Variants in POMGNT2 observed in about 807,000 individuals in gnomAD.
POMGNT2 encodes protein O-linked mannose N-acetylglucosaminyltransferase 2 (beta 1,4-), also known as protein O-linked-mannose beta-1,4-N-acetylglucosaminyltransferase 2.
A neutral mutation model predicts 37.8 loss-of-function variants in POMGNT2; 32 were observed. The ratio of observed to expected loss-of-function variants is 0.85; its 90% confidence interval spans 0.64 to 1.14. The LOEUF (loss-of-function observed/expected upper bound fraction) is 1.14. POMGNT2 is among the 50% of genes most tolerant of loss of function. POMGNT2 has a pLI of 0.00. For synonymous variants in POMGNT2, 340 were observed against 336.8 expected (o/e 1.01, Z -0.10); for missense variants, 705 against 780.6 (o/e 0.90, Z 1.15).
At chr3:43,083,446 A>G (rs1002119908) in intron 1 of POMGNT2, among the ~76,000 whole-genome samples, 4 of 152,204 alleles carry the variant, frequency 2.6e-5, no homozygotes, top group African/African-American at 9.6e-5. Context: ...GTAGGTCTGG[A>G]GTATGGCTCA....
At chr3:43,092,819 T>C (rs1344564022) in intron 1 of POMGNT2, among the ~76,000 whole-genome samples, 2 of 152,212 alleles carry the variant, frequency 1.3e-5, no homozygotes, top group Non-Finnish European at 2.9e-5. Flanking sequence ...GAAATCACTA[T>C]TTATAAATTA....
At chr3:43,095,800 G>T (rs1426075262) in intron 1 of POMGNT2, among the ~76,000 whole-genome samples, 1 of 152,168 alleles carries the variant, frequency 6.6e-6, no homozygotes, top group East Asian at 1.9e-4. Context: ...TGGGGCAAGG[G>T]GCAGAGAAGA....
rs748413120 is a variant in POMGNT2, at chr3:43,080,532, A to G, written c.900T>C (p.Ile300=). 8.1e-6 allele frequency: 13 copies of G among 1,614,050 alleles called. No homozygotes were observed. The South Asian group carries it at 1.3e-4, about 16-fold the overall frequency. Residue 300 remains isoleucine (I), a synonymous_variant, in exon 2 of 2, where the codon ATT becomes ATC. Coordinates refer to ENST00000344697, the MANE Select transcript of POMGNT2 (RefSeq NM_032806.6). ...LVFSRTQNRL[I]LNEAELLLAL... ...CCAGCAGCAGCTCTGCCTCATTCAG[A>G]ATGAGTCTGTTCTGGGTTCGGCTAA... is the stretch of plus-strand genomic sequence containing the variant.
intron 1 of POMGNT2, among the ~76,000 whole-genome samples, chr3:43,085,568 G>A (rs1397264698): frequency 6.6e-6 from 1 of 152,120 alleles, no homozygotes; most frequent in Admixed American, 6.5e-5. Context: ...CCTCTCCCAT[G>A]ATTGTGAGGC....
intron 1 of POMGNT2, among the ~76,000 whole-genome samples, chr3:43,091,850 C>T (rs540414479): frequency 5.3e-5 from 8 of 152,350 alleles, no homozygotes; most frequent in East Asian, 3.9e-4. Context: ...TCGTGATTCT[C>T]GCTCCAGTTC....
chr3:43,089,500 G>C (rs1196160686), intron 1 of POMGNT2, among the ~76,000 whole-genome samples: 1 of 152,176 alleles, frequency 6.6e-6, no homozygotes, highest in Non-Finnish European at 1.5e-5. Context: ...CTAGGCAATA[G>C]GGAGCTATTA....
Position 43,081,070 on chromosome 3 carries a change from G to A in POMGNT2, c.362C>T (p.Thr121Ile). ...RFQPALLDLS[T>I]VEDHNTQYFN... is the part of the protein sequence containing the mutation. ...GTACTGAGTGTTGTGGTCCTCCACG[G>A]TGGATAGGTCGAGCAGGGCTGGCTG... The change falls in exon 2 of 2, where the codon ACC becomes ATC. Residue 121 changes from threonine to isoleucine, a missense_variant. By Grantham distance (89) the Thr-to-Ile change is moderately conservative. Transcript: ENST00000344697. 6.2e-7 allele frequency: 1 copy of A among 1,614,256 alleles called. No homozygotes were observed. Among genetic ancestry groups the A allele is most frequent in the Non-Finnish European group, 8.5e-7 (1 of 1,180,044 alleles).
chr3:43,080,100 G>C lies in POMGNT2; in HGVS notation c.1332C>G (p.Phe444Leu). The C allele has an allele frequency of 6.2e-7, 1 of 1,613,890 alleles. No individual in the cohort carries two copies. The highest frequency in any genetic ancestry group is 8.5e-7 in the Non-Finnish European group (1 of 1,179,994). The change falls in exon 2 of 2, where the codon TTC becomes TTG. Residue 444 changes from phenylalanine (F) to leucine (L), a missense_variant. By Grantham distance (22) the Phe-to-Leu change is conservative. Coordinates refer to ENST00000344697, the MANE Select transcript of POMGNT2 (RefSeq NM_032806.6). ...CCACCTTGGTGTCCTGGTAGATTCG[G>C]AAGAGCCACTCGGGGTTCCGGCAAC... Reference protein sequence around the residue: ...HLCCRNPEWLFRIYQDTKVDI... With the variant: ...HLCCRNPEWLLRIYQDTKVDI...
At chr3:43,093,668 C>A (rs1016177098) in intron 1 of POMGNT2, among the ~76,000 whole-genome samples, 2 of 152,164 alleles carry the variant, frequency 1.3e-5, no homozygotes, top group African/African-American at 4.8e-5. Context: ...ATGAATACCC[C>A]ACTCCCATAC....
rs2089838500 is a variant in POMGNT2 at position 43,080,364 on chromosome 3, G to A, written c.1068C>T (p.Pro356=). 8.7e-6 allele frequency: 14 copies of A among 1,614,170 alleles called. No homozygotes were observed. The Middle Eastern group carries it at 1.8e-3, about 209-fold the overall frequency. Residue 356 remains proline, a synonymous_variant, in exon 2 of 2, where the codon CCC becomes CCT. Coordinates refer to ENST00000344697, the MANE Select transcript of POMGNT2 (RefSeq NM_032806.6). ...AGAGCTCTACCACAGTTGCCCCACG[G>A]GGCAGGAAGAGGGTGGTGACCAGCT... ...GAQLVTTLFL[P]RGATVVELFP...
intron 1 of POMGNT2, among the ~76,000 whole-genome samples, chr3:43,086,299 T>A (rs1228666063): frequency 6.6e-6 from 1 of 152,240 alleles, no homozygotes; most frequent in African/African-American, 2.4e-5. Flanking sequence ...TATAATCACA[T>A]CACCATCACT....
intron 1 of POMGNT2, among the ~76,000 whole-genome samples, chr3:43,094,222 C>G (rs1022364366): frequency 6.6e-6 from 1 of 152,184 alleles, no homozygotes; most frequent in African/African-American, 2.4e-5. Context: ...CAAAAGACAA[C>G]AGATGGAGGC....
At chr3:43,105,606 G>A (rs1275593498) in intron 1 of POMGNT2, among the ~76,000 whole-genome samples, 4 of 97,778 alleles carry the variant, frequency 4.1e-5, no homozygotes, top group Admixed American at 1.2e-4. Flanking sequence ...CCGACCCTGA[G>A]GGTCCACCCC....
chr3:43,101,945 G>C (rs903609488), intron 1 of POMGNT2, among the ~76,000 whole-genome samples: 2 of 151,972 alleles, frequency 1.3e-5, no homozygotes, highest in African/African-American at 4.8e-5. Context: ...AGGTCTCTTG[G>C]CCACAGCTAA....
At chr3:43,103,501 C>A (rs1205089063) in intron 1 of POMGNT2, among the ~76,000 whole-genome samples, 1 of 152,190 alleles carries the variant, frequency 6.6e-6, no homozygotes, top group Non-Finnish European at 1.5e-5. Flanking sequence ...CAGGGCTTGC[C>A]TGGGCTGCCT....
intron 1 of POMGNT2, among the ~76,000 whole-genome samples, chr3:43,092,785 A>G (rs2089953444): frequency 1.3e-5 from 2 of 152,224 alleles, no homozygotes; most frequent in South Asian, 4.1e-4. Context: ...AAATAAGTTA[A>G]AAAGGAAACA....
rs2089998380 is a variant in POMGNT2, at chr3:43,098,969, G to A, written c.-106+6867C>T. 6.6e-6 allele frequency among the ~76,000 whole-genome samples: 1 copy of A among 152,190 alleles called. No homozygotes were observed. Among genetic ancestry groups the A allele is most frequent in the African/African-American group, 2.4e-5 (1 of 41,440 alleles). ...TTTGCTTAGCACAAATGGGTCACCT[G>A]GAAGTGACATGTGCCTGTATTGGTC... On this transcript the variant is annotated intron_variant, in intron 1 of 1. Coordinates refer to ENST00000344697, the MANE Select transcript of POMGNT2 (RefSeq NM_032806.6). The surrounding 1 kb of genome is among the most constrained non-coding windows in gnomAD (Gnocchi z 4.3).
chr3:43,085,196 G>A (rs1162856052), intron 1 of POMGNT2, among the ~76,000 whole-genome samples: 3 of 152,138 alleles, frequency 2.0e-5, no homozygotes, highest in Admixed American at 6.5e-5. Context: ...GAGGACTATG[G>A]TAGTGAAGGA....
chr3:43,081,618 G>A (rs752430969), intron 1 of POMGNT2, 82 bp from the exon 2 acceptor site: 18 of 602,548 alleles, frequency 3.0e-5, no homozygotes, highest in Admixed American at 1.6e-4. Flanking sequence ...TGCCAGGCAC[G>A]GTAGCTAGGC....
Sources: allele counts gnomAD v4.1 joint callset (sites outside exome capture counted in the v4.1 genomes callset), GRCh38; gene constraint gnomAD v4.1.1; non-coding constraint Gnocchi (gnomAD v3.1); transcripts MANE v1.5; gene names NCBI Gene and HGNC (gene_info 2026-07-23, HGNC 2026-07-21).